The following SPEF2 variants were observed in gnomAD, a reference collection of about 807,000 sequenced individuals.
SPEF2 encodes sperm flagellar and cilia associated 2.
SPEF2 carries 187 observed loss-of-function variants against 224.6 expected under a neutral mutation model. That is an observed-to-expected ratio of 0.83 (90% CI 0.74 to 0.94). The LOEUF (loss-of-function observed/expected upper bound fraction) is 0.94, where lower values mean the gene tolerates loss of function less well. Among genes scored for constraint, SPEF2 ranks in the 40% least tolerant of loss-of-function variants. SPEF2 has a pLI of 0.00. For missense variants in SPEF2, 2,170 were observed against 2,135.6 expected (o/e 1.02, Z -0.32); for synonymous variants, 715 against 707.3 (o/e 1.01, Z -0.17).
At chr5:35,642,684 C>T (rs771162229) in intron 3 of SPEF2, among the ~76,000 whole-genome samples, 22 of 152,192 alleles carry the variant, frequency 1.4e-4, no homozygotes, top group Non-Finnish European at 2.6e-4. Flanking sequence ...AGTGCATTAA[C>T]TTTTACAGGC....
rs765613171 is a variant in SPEF2, at chr5:35,695,747, A to G, written c.1988A>G (p.Asp663Gly). Residue 663 changes from aspartate (D) to glycine (G), a missense_variant, in exon 14 of 37, where the codon GAT becomes GGT. Coordinates refer to ENST00000356031, the MANE Select transcript of SPEF2 (RefSeq NM_024867.4). ...TTCCTATTGCTAGGTGCTAATGCTG[A>G]TAAAACACCAAAAGCTGAAGAAGTC... is the stretch of plus-strand genomic sequence containing the variant. ...EGETMLSANADKTPKAEEVKS... is the reference protein window; with the variant it reads ...EGETMLSANAGKTPKAEEVKS... 3 of 1,610,546 alleles carry G rather than the reference A, an allele frequency of 1.9e-6. No homozygotes were observed. The highest frequency in any genetic ancestry group is 2.5e-6 in the Non-Finnish European group (3 of 1,178,346).
chr5:35,639,875 T>G (rs1261067722), intron 2 of SPEF2, among the ~76,000 whole-genome samples: 1 of 152,068 alleles, frequency 6.6e-6, no homozygotes, highest in African/African-American at 2.4e-5. Context: ...CAGTGGTTTT[T>G]CTGTGTTCAA....
intron 26 of SPEF2, among the ~76,000 whole-genome samples, chr5:35,768,487 A>G (rs907162615): frequency 6.6e-6 from 1 of 152,172 alleles, no homozygotes; most frequent in Non-Finnish European, 1.5e-5. Flanking sequence ...TAGGAAAATC[A>G]CTTAACCTCT....
intron 32 of SPEF2, 83 bp downstream of exon 32, chr5:35,793,424 C>G: frequency 1.4e-6 from 2 of 1,393,648 alleles, no homozygotes; most frequent in Non-Finnish European, 2.0e-6. Context: ...GTTACATTGA[C>G]AGGTCTCAGG....
At chr5:35,731,924 G>C (rs561509122) in intron 21 of SPEF2, among the ~76,000 whole-genome samples, 1 of 152,176 alleles carries the variant, frequency 6.6e-6, no homozygotes, top group South Asian at 2.1e-4. Context: ...AATCACAGAG[G>C]GTACAGGGGA....
At chr5:35,724,663 T>C (rs1311886915) in intron 20 of SPEF2, among the ~76,000 whole-genome samples, 1 of 152,210 alleles carries the variant, frequency 6.6e-6, no homozygotes, top group Non-Finnish European at 1.5e-5. Flanking sequence ...GGCAAGTTAC[T>C]GTACCTTAAT....
intron 1 of SPEF2, among the ~76,000 whole-genome samples, chr5:35,622,877 G>C (rs187057027): frequency 2.0e-5 from 3 of 152,204 alleles, no homozygotes; most frequent in Non-Finnish European, 4.4e-5. Context: ...ATTAAAGAGG[G>C]TTATAATATA....
intron 36 of SPEF2, among the ~76,000 whole-genome samples, chr5:35,810,181 C>T (rs1042410530): frequency 2.0e-5 from 3 of 152,136 alleles, no homozygotes; most frequent in Non-Finnish European, 4.4e-5. Flanking sequence ...GGTGTTCTGA[C>T]TTCCCAGGAA....
At chr5:35,692,194 T>C (rs1292692665) in intron 11 of SPEF2, among the ~76,000 whole-genome samples, 1 of 152,000 alleles carries the variant, frequency 6.6e-6, no homozygotes, top group East Asian at 2.0e-4. Flanking sequence ...GTGGATCACC[T>C]GAGGTCAAGA....
intron 10 of SPEF2, among the ~76,000 whole-genome samples, chr5:35,674,579 C>T (rs1751646521): frequency 7.1e-6 from 1 of 140,228 alleles, no homozygotes; most frequent in African/African-American, 2.7e-5. Flanking sequence ...TTCCTTTGTC[C>T]ATGTGTTCTC....
intron 34 of SPEF2, among the ~76,000 whole-genome samples, chr5:35,802,580 T>C (rs1757566387): frequency 6.6e-6 from 1 of 151,332 alleles, no homozygotes; most frequent in South Asian, 2.1e-4. Flanking sequence ...GTTGCAATGT[T>C]CATTAGGGTG....
At chr5:35,664,698 AAGAGAGAGAGAGAG>A (rs3069747) in intron 8 of SPEF2, among the ~76,000 whole-genome samples, 1 of 138,920 alleles carries the variant, frequency 7.2e-6, no homozygotes, top group South Asian at 2.4e-4. Flanking sequence ...GAAGGGAAAG[AAGAGAGAGAGAGAG>A]AGAGAGGGAG....
At chr5:35,759,025 A>AAT (rs1750846613) in intron 24 of SPEF2, among the ~76,000 whole-genome samples, 5 of 150,656 alleles carry the variant, frequency 3.3e-5, no homozygotes, top group Admixed American at 1.3e-4. Context: ...AAAAAAAAAA[A>AAT]AAGTAAAGGA....
chr5:35,764,454 C>A, intron 26 of SPEF2: 1 of 407,218 alleles, frequency 2.5e-6, no homozygotes, highest in Non-Finnish European at 4.9e-6. Flanking sequence ...ATACACATAA[C>A]TTTAATCCAA....
intron 8 of SPEF2, among the ~76,000 whole-genome samples, chr5:35,659,724 T>A (rs1749447248): frequency 6.6e-6 from 1 of 152,122 alleles, no homozygotes; most frequent in Non-Finnish European, 1.5e-5. Flanking sequence ...GTTCCTTGAG[T>A]CATTACTTTT....
intron 6 of SPEF2, among the ~76,000 whole-genome samples, chr5:35,649,795 C>T (rs1018891867): frequency 1.3e-5 from 2 of 152,284 alleles, no homozygotes; most frequent in African/African-American, 4.8e-5. Flanking sequence ...CATGCTGTAT[C>T]CTCAGCAGTT....
intron 23 of SPEF2, among the ~76,000 whole-genome samples, chr5:35,751,511 A>G (rs940134779): frequency 6.6e-6 from 1 of 152,068 alleles, no homozygotes; most frequent in Admixed American, 6.6e-5. Flanking sequence ...TAAATATTTG[A>G]TAAGCACAAG....
intron 28 of SPEF2, among the ~76,000 whole-genome samples, chr5:35,775,562 T>C (rs1753498381): frequency 6.6e-6 from 1 of 152,060 alleles, no homozygotes; most frequent in Non-Finnish European, 1.5e-5. Flanking sequence ...GTTCAATTCT[T>C]CCCTGGTGGC....
Position 35,807,656 on chromosome 5 carries a change from AG to A in SPEF2, c.5379+404del, listed in dbSNP as rs560467377. The A allele has an allele frequency of 8.2e-5, 126 of 1,535,780 alleles. 1 individual carries two copies. In the South Asian group the frequency reaches 1.4e-3, roughly 17 times the overall value. ...CACGCAAGGTACACATCATCTATGT[AG>A]TGGAAATGATAGTGTGTGCAAAAGG... On this transcript the variant is annotated intron_variant, in intron 36 of 36. Transcript: ENST00000356031.
Sources: gnomAD v4.1 joint callset for allele counts (sites outside exome capture counted in the v4.1 genomes callset) on GRCh38, gnomAD v4.1.1 for gene constraint, MANE v1.5 for transcripts, NCBI Gene and HGNC (gene_info 2026-07-23, HGNC 2026-07-21) for gene names.